Variants in GTF2IRD1 observed in about 807,000 individuals in gnomAD.
The protein encoded by GTF2IRD1 is GTF2I repeat domain containing 1, also known as general transcription factor II-I repeat domain-containing protein 1.
In GTF2IRD1, 26 loss-of-function variants were observed where a neutral mutation model predicts 113.2. The ratio of observed to expected loss-of-function variants is 0.23; its 90% CI spans 0.17 to 0.32. The LOEUF is 0.32. GTF2IRD1 is among the 10% of genes least tolerant of loss of function. GTF2IRD1 has a pLI of 1.00. For synonymous variants in GTF2IRD1, 484 were observed against 529.1 expected (o/e 0.91, Z 1.17); for missense variants, 864 against 1,280.8 (o/e 0.67, Z 4.97).
chr7:74,508,094 G>A lies in GTF2IRD1; in HGVS notation c.14G>A (p.Gly5Asp), dbSNP rs1196056898. Residue 5 changes from glycine (G) to aspartate (D), a missense_variant, in exon 2 of 27, where the codon GGT (glycine) becomes GAT (aspartate). This residue lies in a region of GTF2IRD1 where 182 missense variants were observed against 266.6 expected (regional missense o/e 0.68). Transcript: ENST00000424337. ...CCACAGGCGACCATGGCCTTGCTGG[G>A]TAAGCGCTGTGACGTCCCCACCAAC... Reference protein sequence around the residue: MALLGKRCDVPTNGC... With the variant: MALLDKRCDVPTNGC... The A allele has an allele frequency of 6.2e-7, 1 of 1,608,346 alleles. No individual in the cohort carries two copies. The highest frequency in any genetic ancestry group is 1.3e-5 in the African/African-American group (1 of 74,910).
At chr7:74,467,159 G>T (rs1463524026) in intron 1 of GTF2IRD1, among the ~76,000 whole-genome samples, 1 of 152,014 alleles carries the variant, frequency 6.6e-6, no homozygotes, top group Non-Finnish European at 1.5e-5. Flanking sequence ...ATGTTGGCCA[G>T]GCTGGTCTCA....
chr7:74,530,255 C>G (rs587713815), intron 9 of GTF2IRD1, among the ~76,000 whole-genome samples: 2 of 152,002 alleles, frequency 1.3e-5, no homozygotes, highest in Non-Finnish European at 2.9e-5. Flanking sequence ...CCTTCTGCTC[C>G]GGGCTTGGCT....
chr7:74,556,295 G>A (rs1353074426), intron 19 of GTF2IRD1, among the ~76,000 whole-genome samples: 4 of 151,654 alleles, frequency 2.6e-5, no homozygotes, highest in Non-Finnish European at 4.4e-5. Flanking sequence ...GGTGGTCTGG[G>A]ATCCCTCCAG....
chr7:74,517,136 G>C (rs1554344819), intron 4 of GTF2IRD1, among the ~76,000 whole-genome samples: 5 of 151,946 alleles, frequency 3.3e-5, no homozygotes, highest in African/African-American at 1.2e-4. Flanking sequence ...CAATTCTCCT[G>C]CCTCAGCCTC....
At chr7:74,536,781 G>A (rs1218192684) in intron 11 of GTF2IRD1, among the ~76,000 whole-genome samples, 1 of 151,518 alleles carries the variant, frequency 6.6e-6, no homozygotes, top group Non-Finnish European at 1.5e-5. Context: ...ACTCCAGTCT[G>A]GGTGACAGAG....
intron 2 of GTF2IRD1, among the ~76,000 whole-genome samples, chr7:74,510,497 C>T (rs368039361): frequency 2.0e-5 from 3 of 151,008 alleles, no homozygotes; most frequent in South Asian, 2.1e-4. Context: ...TTAGTAGAGA[C>T]GGGGTTTCAC....
intron 26 of GTF2IRD1, chr7:74,601,600 C>T: frequency 1.5e-6 from 1 of 647,412 alleles, no homozygotes. Flanking sequence ...CGGGGAAACC[C>T]CATCTCTACT....
chr7:74,466,981 C>T (rs1201637242), intron 1 of GTF2IRD1, among the ~76,000 whole-genome samples: 2 of 149,706 alleles, frequency 1.3e-5, no homozygotes, highest in Middle Eastern at 3.4e-3. Context: ...GACAGGGTCT[C>T]GCTCCATTGC....
chr7:74,520,285 G>A (rs782293889), intron 6 of GTF2IRD1, among the ~76,000 whole-genome samples: 5 of 151,850 alleles, frequency 3.3e-5, no homozygotes, highest in Non-Finnish European at 7.4e-5. Flanking sequence ...AGTAGGTCCT[G>A]GAAGTAGGTC....
At chr7:74,483,367 A>G (rs1192746658) in intron 1 of GTF2IRD1, among the ~76,000 whole-genome samples, 1 of 151,212 alleles carries the variant, frequency 6.6e-6, no homozygotes, top group African/African-American at 2.4e-5. Flanking sequence ...GCAAGGCCCC[A>G]TCTCTAAAAA....
chr7:74,550,751 T>A (rs587633056), intron 17 of GTF2IRD1, among the ~76,000 whole-genome samples: 36 of 151,894 alleles, frequency 2.4e-4, no homozygotes, highest in Admixed American at 7.9e-4. Flanking sequence ...CTACAAAAAA[T>A]TTTAAAAATT....
intron 8 of GTF2IRD1, among the ~76,000 whole-genome samples, chr7:74,527,758 C>T (rs782649972): frequency 2.6e-5 from 4 of 152,034 alleles, no homozygotes; most frequent in Non-Finnish European, 4.4e-5. Flanking sequence ...AGGAGAATTG[C>T]TTGAACCCAG....
chr7:74,582,767 A>G (rs1554366518), intron 22 of GTF2IRD1, among the ~76,000 whole-genome samples: 1 of 152,140 alleles, frequency 6.6e-6, no homozygotes, highest in Non-Finnish European at 1.5e-5. Context: ...GTATGCAGGC[A>G]TTCAAGCAGG....
intron 25 of GTF2IRD1, among the ~76,000 whole-genome samples, chr7:74,600,330 G>A (rs1802674994): frequency 6.6e-6 from 1 of 151,986 alleles, no homozygotes; most frequent in Admixed American, 6.6e-5. Flanking sequence ...GAGGTGGGAG[G>A]ATTGCTTGAG....
intron 7 of GTF2IRD1, among the ~76,000 whole-genome samples, chr7:74,522,296 G>A (rs1382029544): frequency 6.6e-6 from 1 of 152,012 alleles, no homozygotes; most frequent in Non-Finnish European, 1.5e-5. Context: ...GAAGGCCTGA[G>A]TGTAGGAAAG....
At chr7:74,480,525 A>G (rs797030535) in intron 1 of GTF2IRD1, among the ~76,000 whole-genome samples, 2 of 152,270 alleles carry the variant, frequency 1.3e-5, no homozygotes, top group East Asian at 1.9e-4. Flanking sequence ...CAAGGCCACA[A>G]CGCCAGTTGC....
chr7:74,558,857 A>G lies in GTF2IRD1; in HGVS notation c.2108-4A>G. ...ACGGGCAGGACCCTGCCTCTCGCCC[A>G]CAGGGGAAGCCTTGGGCATCAAGTA... is the stretch of plus-strand genomic sequence containing the variant. On this transcript the variant is annotated splice_region_variant and splice_polypyrimidine_tract_variant and intron_variant, in intron 20 of 26. Transcript: ENST00000424337. 6.2e-7 allele frequency: 1 copy of G among 1,609,536 alleles called. No individual in the cohort carries two copies. The highest frequency in any genetic ancestry group is 1.1e-5 in the South Asian group (1 of 90,808).
intron 24 of GTF2IRD1, among the ~76,000 whole-genome samples, chr7:74,594,012 A>G (rs1277762495): frequency 3.9e-5 from 6 of 151,956 alleles, no homozygotes; most frequent in African/African-American, 1.4e-4. Context: ...AGCCTGGCCA[A>G]CATAGTGAAA....
Position 74,585,092 on chromosome 7 carries a change from G to A in GTF2IRD1, c.2321-4759G>A, listed in dbSNP as rs183164529. 2.7e-5 allele frequency among the ~76,000 whole-genome samples: 4 copies of A among 149,916 alleles called. No homozygotes were observed. The East Asian group carries it at 5.9e-4, about 22-fold the overall frequency. On this transcript the variant is annotated intron_variant, in intron 22 of 26. Transcript: ENST00000424337. ...GCTGGGATTACAGATGTGAGCCACC[G>A]CGCCCAGCCTGTTTGGTGTTTTTTT...
Sources: gnomAD v4.1 joint callset for allele counts (sites outside exome capture counted in the v4.1 genomes callset) on GRCh38, gnomAD v4.1.1 for gene constraint, gnomAD v4.1.1 regional missense constraint, MANE v1.5 for transcripts, NCBI Gene and HGNC (gene_info 2026-07-23, HGNC 2026-07-21) for gene names.